Variants in GRIK1 observed in about 807,000 individuals in gnomAD.
GRIK1 encodes glutamate ionotropic receptor kainate type subunit 1.
GRIK1 carries 69 observed loss-of-function variants against 105.7 expected under a neutral mutation model. The observed-to-expected ratio is 0.65, with a 90% CI of 0.54 to 0.80. The LOEUF (loss-of-function observed/expected upper bound fraction) is 0.80, where lower values mean the gene tolerates loss of function less well. Among genes scored for constraint, GRIK1 ranks in the 30% least tolerant of loss-of-function variants. The pLI is 0.00. For missense variants in GRIK1, 1,109 were observed against 1,167.3 expected, an observed-to-expected ratio of 0.95 and a Z score of 0.73; for synonymous variants, 438 against 431.3, an observed-to-expected ratio of 1.02 and a Z score of -0.19.
chr21:29,788,457 G>GACTC (rs953953069), intron 1 of GRIK1, among the ~76,000 whole-genome samples: 26 of 152,264 alleles, frequency 1.7e-4, no homozygotes, highest in African/African-American at 6.0e-4. Context: ...GGATGGAAAT[G>GACTC]ACTCAGAGAG....
intron 1 of GRIK1, among the ~76,000 whole-genome samples, chr21:29,707,757 C>G (rs1223953832): frequency 2.0e-5 from 3 of 152,036 alleles, no homozygotes; most frequent in Non-Finnish European, 4.4e-5. Context: ...GCTGGGATTA[C>G]AGGCGTAAAC....
At chr21:29,574,845 G>A (rs1472528946) in intron 14 of GRIK1, among the ~76,000 whole-genome samples, 2 of 151,092 alleles carry the variant, frequency 1.3e-5, no homozygotes, top group African/African-American at 4.9e-5. Flanking sequence ...CCGCCATCAC[G>A]CCCGGCTAAT....
intron 16 of GRIK1, among the ~76,000 whole-genome samples, chr21:29,554,203 C>T (rs1337148740): frequency 6.6e-6 from 1 of 152,112 alleles, no homozygotes; most frequent in African/African-American, 2.4e-5. Flanking sequence ...GACAGGAGAG[C>T]ATTAAACTGG....
chr21:29,783,683 T>TG (rs1945897771), intron 1 of GRIK1, among the ~76,000 whole-genome samples: 1 of 152,210 alleles, frequency 6.6e-6, no homozygotes, highest in Admixed American at 6.5e-5. Flanking sequence ...GTTTTACACA[T>TG]AATGCTGCAT....
At chr21:29,601,335 C>A (rs1009432505) in intron 7 of GRIK1, 8 of 416,738 alleles carry the variant, frequency 1.9e-5, no homozygotes, top group Non-Finnish European at 4.1e-5. Flanking sequence ...AGCCAGCTTT[C>A]CAGGGTCTCT....
chr21:29,657,218 T>C (rs889561194), intron 4 of GRIK1, among the ~76,000 whole-genome samples: 5 of 152,350 alleles, frequency 3.3e-5, no homozygotes, highest in East Asian at 1.9e-4. Flanking sequence ...GTTTAAAATT[T>C]TGTTTCTGAA....
At chr21:29,710,882 A>C (rs1601508966) in intron 1 of GRIK1, among the ~76,000 whole-genome samples, 4 of 121,756 alleles carry the variant, frequency 3.3e-5, no homozygotes, top group Admixed American at 9.0e-5. Context: ...CCCACCAACC[A>C]CCCTCCTTCC....
intron 1 of GRIK1, among the ~76,000 whole-genome samples, chr21:29,802,022 C>G (rs2066725684): frequency 6.6e-6 from 1 of 152,144 alleles, no homozygotes; most frequent in African/African-American, 2.4e-5. Context: ...TTATTTCTCC[C>G]TGAGGCAAAA....
At chr21:29,755,315 G>A (rs1222484307) in intron 1 of GRIK1, among the ~76,000 whole-genome samples, 1 of 152,172 alleles carries the variant, frequency 6.6e-6, no homozygotes, top group East Asian at 1.9e-4. Context: ...CAGATTAATT[G>A]CCCTGGCTGA....
At chr21:29,640,464 A>T (rs547363785) in intron 7 of GRIK1, among the ~76,000 whole-genome samples, 1 of 152,240 alleles carries the variant, frequency 6.6e-6, no homozygotes, top group South Asian at 2.1e-4. Flanking sequence ...AATGTTGACA[A>T]TGGTTTCTGA....
chr21:29,839,232 TAG>T (rs1414286912), intron 1 of GRIK1, among the ~76,000 whole-genome samples: 3 of 151,974 alleles, frequency 2.0e-5, no homozygotes, highest in African/African-American at 7.3e-5. Flanking sequence ...GTATTTCTAG[TAG>T]AGACAGGGTT....
At chr21:29,685,938 T>G (rs977128035) in intron 3 of GRIK1, among the ~76,000 whole-genome samples, 1 of 152,192 alleles carries the variant, frequency 6.6e-6, no homozygotes, top group Non-Finnish European at 1.5e-5. Flanking sequence ...TCTTTTCCCT[T>G]GAAGACTCTT....
chr21:29,883,995 G>T (rs1261778575), intron 1 of GRIK1, among the ~76,000 whole-genome samples: 1 of 152,052 alleles, frequency 6.6e-6, no homozygotes, highest in East Asian at 1.9e-4. Context: ...AGAAGGGGGG[G>T]ATGCTTTATG....
chr21:29,735,233 C>T (rs1026261755), intron 1 of GRIK1, among the ~76,000 whole-genome samples: 15 of 152,198 alleles, frequency 9.9e-5, no homozygotes. Context: ...TAAATTCATG[C>T]ATGGATCCTT....
intron 1 of GRIK1, among the ~76,000 whole-genome samples, chr21:29,882,740 A>G (rs2069467818): frequency 6.6e-6 from 1 of 152,142 alleles, no homozygotes; most frequent in Non-Finnish European, 1.5e-5. Flanking sequence ...GCAAAAGTGC[A>G]TGAGTAATTG....
chr21:29,740,996 T>A (rs1329132282), intron 1 of GRIK1, among the ~76,000 whole-genome samples: 1 of 152,234 alleles, frequency 6.6e-6, no homozygotes, highest in Non-Finnish European at 1.5e-5. Flanking sequence ...AACACCTTAC[T>A]GCTCTTGTTT....
In GRIK1 at chr21:29,818,489, G is replaced by A. The variant is rs559889182; in HGVS notation, c.118+120894C>T. Among the ~76,000 whole-genome samples the A allele has an allele frequency of 5.9e-5, 9 of 152,012 alleles. No individual in the cohort carries two copies. The South Asian group carries it at 8.3e-4, about 14-fold the overall frequency. ...TTTCTCTTCCTATCCCAGCTTTGAC[G>A]ATTTCTCTCCATTTGAGAAATGAAT... On this transcript the variant is annotated intron_variant, in intron 1 of 17. Coordinates refer to ENST00000327783, the MANE Select transcript of GRIK1 (RefSeq NM_001330994.2).
intron 1 of GRIK1, among the ~76,000 whole-genome samples, chr21:29,884,062 A>G (rs1451499045): frequency 1.3e-5 from 2 of 151,998 alleles, no homozygotes; most frequent in Non-Finnish European, 2.9e-5. Context: ...GTGCTGCTCC[A>G]TTTTATACAG....
At chr21:29,919,976 T>A (rs1034111771) in intron 1 of GRIK1, among the ~76,000 whole-genome samples, 73 of 152,230 alleles carry the variant, frequency 4.8e-4, no homozygotes, top group African/African-American at 1.7e-3. Flanking sequence ...TGACAAGGAA[T>A]GGGAGCAGGG....
Sources: allele counts gnomAD v4.1 joint callset (sites outside exome capture counted in the v4.1 genomes callset), GRCh38; gene constraint gnomAD v4.1.1; transcripts MANE v1.5; gene names NCBI Gene and HGNC (gene_info 2026-07-23, HGNC 2026-07-21).